SH2D3C: variants seen among roughly 807,000 people sequenced by gnomAD.
The protein encoded by SH2D3C is SH2 domain-containing protein 3C.
In SH2D3C, 25 loss-of-function variants were observed where a neutral mutation model predicts 75.2. The ratio of observed to expected loss-of-function variants is 0.33; its 90% CI spans 0.24 to 0.46. The LOEUF (loss-of-function observed/expected upper bound fraction) is 0.46, where lower values mean the gene tolerates loss of function less well. Ranked by LOEUF, SH2D3C falls within the 20% of genes least tolerant of loss-of-function variation. The pLI is 1.00. For synonymous variants in SH2D3C, 450 were observed against 473.7 expected, an observed-to-expected ratio of 0.95 and a Z score of 0.65; for missense variants, 933 against 1,165.3, an observed-to-expected ratio of 0.80 and a Z score of 2.90.
chr9:127,767,420 G>T, intron 2 of SH2D3C: 1 of 964,816 alleles, frequency 1.0e-6, no homozygotes, highest in Non-Finnish European at 1.5e-6. Flanking sequence ...GAACCAGATG[G>T]CCTGATGTCT....
In SH2D3C at chr9:127,774,274, C is replaced by T. The variant is rs768284351; in HGVS notation, c.231G>A (p.Met77Ile). The change falls in exon 2 of 12, where the codon ATG becomes ATA. Residue 77 changes from methionine (M) to isoleucine (I), a missense_variant. Met to Ile is a conservative substitution (Grantham distance 10). Coordinates refer to ENST00000314830, the MANE Select transcript of SH2D3C (RefSeq NM_170600.3). The surrounding 1 kb of genome is among the most constrained non-coding windows in gnomAD (Gnocchi z 4.3). ...YARSSDMYSH[M>I]GTMPRPSIKK... Reference sequence around the variant, plus strand: ...TGATGCTGGGGCGAGGCATGGTGCCCATGTGGCTGTACATGTCACTGGAGC... The same window carrying T: ...TGATGCTGGGGCGAGGCATGGTGCCTATGTGGCTGTACATGTCACTGGAGC... 3.7e-6 allele frequency: 6 copies of T among 1,613,998 alleles called. No homozygotes were observed. The African/African-American group carries it at 5.3e-5, about 14-fold the overall frequency.
chr9:127,766,490 C>T (rs1845637866), intron 2 of SH2D3C, among the ~76,000 whole-genome samples: 2 of 152,242 alleles, frequency 1.3e-5, no homozygotes, highest in African/African-American at 2.4e-5. Flanking sequence ...GCTCCAGACT[C>T]CACCCATGAA....
chr9:127,766,518 C>T (rs934477516), intron 2 of SH2D3C, among the ~76,000 whole-genome samples: 3 of 152,230 alleles, frequency 2.0e-5, no homozygotes, highest in Non-Finnish European at 2.9e-5. Flanking sequence ...CACCCTCCCA[C>T]CATGCCCCTC....
chr9:127,771,302 T>TG (rs1674812251), intron 2 of SH2D3C: 1 of 1,493,918 alleles, frequency 6.7e-7, no homozygotes, highest in Non-Finnish European at 8.9e-7. Flanking sequence ...CTCGGGCCAC[T>TG]GAGCTGCAGA....
intron 1 of SH2D3C, among the ~76,000 whole-genome samples, chr9:127,778,088 A>G (rs1426374408): frequency 1.3e-5 from 2 of 152,192 alleles, no homozygotes; most frequent in East Asian, 3.9e-4. Flanking sequence ...CCTGGGTTCA[A>G]GCGTTTCTTC....
intron 5 of SH2D3C, among the ~76,000 whole-genome samples, chr9:127,747,794 C>A (rs1845078011): frequency 6.6e-6 from 1 of 152,184 alleles, no homozygotes; most frequent in Non-Finnish European, 1.5e-5. Context: ...CCCACCTCAT[C>A]CTCGCAAAGT....
intron 3 of SH2D3C, among the ~76,000 whole-genome samples, chr9:127,757,221 T>C (rs1008236642): frequency 2.0e-5 from 3 of 151,204 alleles, no homozygotes; most frequent in Admixed American, 1.3e-4. Context: ...GTGCCCAGCC[T>C]AGGAGGGGGC....
At chr9:127,762,287 G>C in intron 2 of SH2D3C, 1 of 1,268,116 alleles carries the variant, frequency 7.9e-7, no homozygotes, top group Non-Finnish European at 1.0e-6. Flanking sequence ...TTCCTCCTGA[G>C]GGCCACCGTG....
intron 2 of SH2D3C, among the ~76,000 whole-genome samples, chr9:127,772,830 T>C (rs981273780): frequency 3.9e-5 from 6 of 151,984 alleles, no homozygotes; most frequent in Non-Finnish European, 8.8e-5. Context: ...GGGCTAATAA[T>C]TGAATCTTTT....
rs1210738193 is a variant in SH2D3C, at chr9:127,739,491, C to T, written c.2407+191G>A. 6.6e-6 allele frequency among the ~76,000 whole-genome samples: 1 copy of T among 151,150 alleles called. No individual in the cohort carries two copies. The highest frequency in any genetic ancestry group is 1.5e-5 in the Non-Finnish European group (1 of 67,866). On this transcript the variant is annotated intron_variant, in intron 11 of 11. Transcript: ENST00000314830. This position sits in a 1 kb window ranked among gnomAD's most constrained non-coding sequence, Gnocchi z 4.3. ...TGCCACTGCACTCCAGCCTGGGCGA[C>T]AGTGTGAGACTCCATCTCAAAAAAA... is the stretch of plus-strand genomic sequence containing the variant.
intron 3 of SH2D3C, among the ~76,000 whole-genome samples, chr9:127,752,350 A>G (rs2131763581): frequency 6.6e-6 from 1 of 152,266 alleles, no homozygotes; most frequent in East Asian, 1.9e-4. Context: ...TACTACTAGC[A>G]CATGGACATC....
In SH2D3C at chr9:127,765,908, TCAG is replaced by T. The variant is rs1413954580; in HGVS notation, c.516-4261_516-4259del. Among the ~76,000 whole-genome samples the T allele has an allele frequency of 2.6e-5, 4 of 152,360 alleles. No homozygotes were observed. In the East Asian group the frequency reaches 7.7e-4, roughly 29 times the overall value. On this transcript the variant is annotated intron_variant, in intron 2 of 11. Transcript: ENST00000314830. ...TGAGCTAAATCAGTCCCATTAATCA[TCAG>T]CATTAATTATTTAAATAACCAACCC...
At chr9:127,762,346 C>A in intron 2 of SH2D3C, 1 of 1,302,544 alleles carries the variant, frequency 7.7e-7, no homozygotes, top group Non-Finnish European at 1.0e-6. Context: ...TACCCTCAGG[C>A]AGCCTGGACC....
chr9:127,761,199 G>A (rs1209368299), intron 3 of SH2D3C, among the ~76,000 whole-genome samples: 1 of 152,160 alleles, frequency 6.6e-6, no homozygotes, highest in Non-Finnish European at 1.5e-5. Flanking sequence ...ATAAATCTGA[G>A]CTGTGCCCAT....
chr9:127,755,300 G>T, intron 3 of SH2D3C: 1 of 1,087,910 alleles, frequency 9.2e-7, no homozygotes, highest in Non-Finnish European at 1.1e-6. Context: ...CGGGGGAGGA[G>T]CGGGGAGGCG....
intron 2 of SH2D3C, among the ~76,000 whole-genome samples, chr9:127,764,966 C>T (rs2131798606): frequency 1.3e-5 from 2 of 152,270 alleles, no homozygotes; most frequent in East Asian, 3.9e-4. Context: ...GCCTCAGCCT[C>T]CCAAAAAGTG....
chr9:127,757,602 AGATGATGATGATGATGATGATGAT>A (rs140510163), intron 3 of SH2D3C, among the ~76,000 whole-genome samples: 14 of 138,424 alleles, frequency 1.0e-4, no homozygotes, highest in African/African-American at 3.5e-4. Context: ...CACCATACCC[AGATGATGATGATGATGATGATGAT>A]GATGATGATG....
intron 3 of SH2D3C, among the ~76,000 whole-genome samples, chr9:127,752,332 C>T (rs547963339): frequency 6.6e-6 from 1 of 152,248 alleles, no homozygotes; most frequent in East Asian, 1.9e-4. Context: ...AGAGACAGCA[C>T]TCCAGAGTAC....
In SH2D3C at chr9:127,761,649, C is replaced by G. The variant is rs1260766030; in HGVS notation, c.517G>C (p.Ala173Pro). The G allele has an allele frequency of 1.2e-6, 2 of 1,611,418 alleles. No homozygotes were observed. The highest frequency in any genetic ancestry group is 1.7e-6 in the Non-Finnish European group (2 of 1,178,782). ...RPPRDVHSER[A>P]AGEPEAGSDY... Reference sequence around the variant, plus strand: ...CTGCCAGCCTCTGGCTCTCCAGCAGCCCTGGAAGGAGAAAAGACAAGTGAG... The same window carrying G: ...CTGCCAGCCTCTGGCTCTCCAGCAGGCCTGGAAGGAGAAAAGACAAGTGAG... Residue 173 changes from alanine to proline, a missense_variant and splice_region_variant, in exon 3 of 12, where the codon GCT (alanine) becomes CCT (proline). Coordinates refer to ENST00000314830, the MANE Select transcript of SH2D3C (RefSeq NM_170600.3).
Sources: allele counts gnomAD v4.1 joint callset (sites outside exome capture counted in the v4.1 genomes callset), GRCh38; gene constraint gnomAD v4.1.1; non-coding constraint Gnocchi (gnomAD v3.1); transcripts MANE v1.5; gene names NCBI Gene and HGNC (gene_info 2026-07-23, HGNC 2026-07-21).